Variants in EPS8 observed in about 807,000 individuals in gnomAD.
EPS8 encodes EGFR pathway substrate 8, signaling adaptor.
A neutral mutation model predicts 103.8 loss-of-function variants in EPS8; 42 were observed. The ratio of observed to expected loss-of-function variants is 0.40; its 90% confidence interval spans 0.32 to 0.52. The LOEUF is 0.52. EPS8 is among the 20% of genes least tolerant of loss of function. The pLI, the probability that EPS8 is intolerant of heterozygous loss-of-function variation, is 0.40. For synonymous variants in EPS8, 344 were observed against 344.6 expected (o/e 1.00, Z 0.02); for missense variants, 969 against 1,005.1 (o/e 0.96, Z 0.49).
chr12:15,686,341 TAGAGG>T (rs1201399649), intron 1 of EPS8, among the ~76,000 whole-genome samples: 5 of 152,192 alleles, frequency 3.3e-5, no homozygotes, highest in African/African-American at 1.2e-4. Context: ...GTATATGTTT[TAGAGG>T]AGTCAAAGTT....
rs1947294399 is a variant in EPS8, at chr12:15,784,816, A to G, written c.-22+4345T>C. Among the ~76,000 whole-genome samples the G allele has an allele frequency of 6.6e-6, 1 of 152,164 alleles. No homozygotes were observed. Among genetic ancestry groups the G allele is most frequent in the African/African-American group, 2.4e-5 (1 of 41,468 alleles). ...AAGAAATGAGCTATTAAACCTCAGG[A>G]AGACATGGATGAACCTTAAATGTGT... is the stretch of plus-strand genomic sequence containing the variant. On this transcript the variant is annotated intron_variant, in intron 1 of 20. Transcript: ENST00000281172. The surrounding 1 kb of genome is among the most constrained non-coding windows in gnomAD (Gnocchi z 4.0).
At chr12:15,726,859 C>T (rs1003887817) in intron 1 of EPS8, among the ~76,000 whole-genome samples, 1 of 152,148 alleles carries the variant, frequency 6.6e-6, no homozygotes, top group Non-Finnish European at 1.5e-5. Flanking sequence ...GAAATGATTA[C>T]TCCACTTTCA....
At chr12:15,644,352 T>G (rs1254303147) in intron 15 of EPS8, among the ~76,000 whole-genome samples, 1 of 152,192 alleles carries the variant, frequency 6.6e-6, no homozygotes, top group Non-Finnish European at 1.5e-5. Context: ...GCTGTGATTC[T>G]GGGGGCTGCC....
At position 15,778,195 on chromosome 12, in the gene EPS8, T is replaced by C. The variant is rs1246686114; in HGVS notation, c.-22+10966A>G. On this transcript the variant is annotated intron_variant, in intron 1 of 20. Coordinates refer to ENST00000281172, the MANE Select transcript of EPS8 (RefSeq NM_004447.6). This position sits in a 1 kb window ranked among gnomAD's most constrained non-coding sequence, Gnocchi z 4.5. ...TAGAAGTGATAATACTTTAAGCAAA[T>C]CTGAGAATTAATGCACACGAAAATC... Among the ~76,000 whole-genome samples, 1 of 152,170 alleles carries C rather than the reference T, an allele frequency of 6.6e-6. No homozygotes were observed. The highest frequency in any genetic ancestry group is 1.5e-5 in the Non-Finnish European group (1 of 68,036).
intron 17 of EPS8, chr12:15,634,873 C>G: frequency 2.5e-6 from 1 of 394,086 alleles, no homozygotes; most frequent in Non-Finnish European, 4.5e-6. Context: ...GTAAATTAGC[C>G]TGACAGTAAA....
chr12:15,743,280 A>G, intron 1 of EPS8, among the ~76,000 whole-genome samples: 1 of 152,228 alleles, frequency 6.6e-6, no homozygotes, highest in Admixed American at 6.5e-5. Context: ...AACAAATGGA[A>G]GAACATTCCA....
intron 1 of EPS8, among the ~76,000 whole-genome samples, chr12:15,685,342 G>T (rs1946077536): frequency 6.6e-6 from 1 of 152,074 alleles, no homozygotes; most frequent in African/African-American, 2.4e-5. Flanking sequence ...AGATAGATGT[G>T]CAAGTTTCTT....
chr12:15,696,100 T>C lies in EPS8; in HGVS notation c.-21-13128A>G, dbSNP rs529038106. Among the ~76,000 whole-genome samples, 7 of 152,282 alleles carry C rather than the reference T, an allele frequency of 4.6e-5. No homozygotes were observed. In the South Asian group the frequency reaches 1.5e-3, roughly 32 times the overall value. ...TTCTCTATTTAAAATCCAGGATAAT[T>C]AGTCTACCTTTAAAACAAAGAATTT... On this transcript the variant is annotated intron_variant, in intron 1 of 20. Coordinates refer to ENST00000281172, the MANE Select transcript of EPS8 (RefSeq NM_004447.6). This position sits in a 1 kb window ranked among gnomAD's most constrained non-coding sequence, Gnocchi z 4.8.
At chr12:15,658,302 T>C (rs1236807283) in intron 11 of EPS8, 149 bp from the exon 12 acceptor site, 11 of 683,918 alleles carry the variant, frequency 1.6e-5, no homozygotes, top group South Asian at 5.8e-5. Flanking sequence ...ATAGAAGTCA[T>C]TGTTTTTCAA....
In EPS8 at chr12:15,784,295, A is replaced by G. The variant is rs1361674501; in HGVS notation, c.-22+4866T>C. 6.6e-6 allele frequency among the ~76,000 whole-genome samples: 1 copy of G among 152,224 alleles called. No homozygotes were observed. The highest frequency in any genetic ancestry group is 1.5e-5 in the Non-Finnish European group (1 of 68,010). ...GTATAAAGAACTCTTAAAATCAACA[A>G]TAAGAAAACAACCCCATTAAAAAGT... On this transcript the variant is annotated intron_variant, in intron 1 of 20. Coordinates refer to ENST00000281172, the MANE Select transcript of EPS8 (RefSeq NM_004447.6). The surrounding 1 kb of genome is among the most constrained non-coding windows in gnomAD (Gnocchi z 4.0).
chr12:15,651,490 A>G (rs1347059651), intron 13 of EPS8, among the ~76,000 whole-genome samples: 1 of 152,210 alleles, frequency 6.6e-6, no homozygotes, highest in African/African-American at 2.4e-5. Context: ...AGTTAAGATT[A>G]CGATTTTTAA....
Position 15,641,746 on chromosome 12 carries a change from C to T in EPS8, c.1653G>A (p.Ser551=), listed in dbSNP as rs75362705. ...DFVARNNSEL[S]VLKDDILEIL... ...CCTCTAAAATATCATCCTTTAGAAC[C>T]GAGAGCTCACTGTTGTTCCTTGCTA... is the stretch of plus-strand genomic sequence containing the variant. Residue 551 remains serine (S), a synonymous_variant, in exon 16 of 21, where the codon TCG becomes TCA. Transcript: ENST00000281172. The T allele has an allele frequency of 4.5e-3, 7,090 of 1,578,408 alleles. 33 individuals are homozygous for T. Among genetic ancestry groups the T allele is most frequent in the Middle Eastern group, 0.013 (78 of 5,910 alleles).
At chr12:15,705,481 G>T (rs576492372) in intron 1 of EPS8, among the ~76,000 whole-genome samples, 2 of 151,990 alleles carry the variant, frequency 1.3e-5, no homozygotes, top group East Asian at 1.9e-4. Flanking sequence ...ACTCCAAGGG[G>T]TTTAAAAAAA....
chr12:15,660,638 T>C lies in EPS8; in HGVS notation c.913A>G (p.Lys305Glu), dbSNP rs1309119017. 1 of 1,571,534 alleles carries C rather than the reference T, an allele frequency of 6.4e-7. No homozygotes were observed. The highest frequency in any genetic ancestry group is 1.1e-5 in the South Asian group (1 of 89,990). The change falls in exon 10 of 21, where the codon AAA (lysine) becomes GAA (glutamate). Residue 305 changes from lysine to glutamate, a missense_variant. Coordinates refer to ENST00000281172, the MANE Select transcript of EPS8 (RefSeq NM_004447.6). ...SELSKRKKNK[K>E]GKRKGPGEGV... ...CCTCCTGGTCCTTTCCTTTTACCTT[T>C]CTTGTTTTTCTTCCTTTTAGAAAGC...
At chr12:15,754,584 G>A (rs577333935) in intron 1 of EPS8, among the ~76,000 whole-genome samples, 27 of 152,228 alleles carry the variant, frequency 1.8e-4, no homozygotes, top group Non-Finnish European at 2.4e-4. Flanking sequence ...AGTCATATAC[G>A]CCACCATAGA....
intron 12 of EPS8, among the ~76,000 whole-genome samples, chr12:15,657,420 C>T (rs1241458263): frequency 6.6e-6 from 1 of 152,162 alleles, no homozygotes; most frequent in Non-Finnish European, 1.5e-5. Context: ...TTCCTTCACT[C>T]CTCTATTTTT....
At chr12:15,658,198 C>T in intron 11 of EPS8, 45 bp from the exon 12 acceptor site, 1 of 1,346,048 alleles carries the variant, frequency 7.4e-7, no homozygotes, top group East Asian at 2.3e-5. Flanking sequence ...TCAAGCAAGA[C>T]AGACACTCAG....
At chr12:15,763,442 T>C (rs532680851) in intron 1 of EPS8, among the ~76,000 whole-genome samples, 8 of 152,282 alleles carry the variant, frequency 5.3e-5, no homozygotes, top group Non-Finnish European at 8.8e-5. Flanking sequence ...GCCTGATCAT[T>C]GCCTTAGTCT....
In EPS8 at chr12:15,693,420, G is replaced by T. The variant is rs1946201157; in HGVS notation, c.-21-10448C>A. Among the ~76,000 whole-genome samples the T allele has an allele frequency of 6.6e-6, 1 of 152,118 alleles. No homozygotes were observed. The highest frequency in any genetic ancestry group is 1.5e-5 in the Non-Finnish European group (1 of 68,020). ...TTTACTGGAGTGTGAGGAGGCATCT[G>T]GGATCCAAGTTCACTTTAAACACAT... On this transcript the variant is annotated intron_variant, in intron 1 of 20. Transcript: ENST00000281172. The surrounding 1 kb of genome is among the most constrained non-coding windows in gnomAD (Gnocchi z 5.6).
Sources: gnomAD v4.1 joint callset for allele counts (sites outside exome capture counted in the v4.1 genomes callset) on GRCh38, gnomAD v4.1.1 for gene constraint, Gnocchi (gnomAD v3.1) non-coding constraint, MANE v1.5 for transcripts, NCBI Gene and HGNC (gene_info 2026-07-23, HGNC 2026-07-21) for gene names.